The following HEMK1 variants were observed in gnomAD, a reference collection of about 807,000 sequenced individuals.
HEMK1 encodes HemK methyltransferase 1, mitochondrial release factors N(5)-glutamine, also known as MTRF1L release factor glutamine methyltransferase.
Under a neutral mutation model 47.9 loss-of-function variants are expected in HEMK1, and 36 were observed. The ratio of observed to expected loss-of-function variants is 0.75; its 90% CI spans 0.58 to 0.99. The LOEUF (loss-of-function observed/expected upper bound fraction) is 0.99. Ranked by LOEUF, HEMK1 falls within the 50% of genes least tolerant of loss-of-function variation. HEMK1 has a pLI of 0.00. For missense variants in HEMK1, 383 were observed against 434.5 expected, an observed-to-expected ratio of 0.88 and a Z score of 1.05; for synonymous variants, 153 against 165.4, an observed-to-expected ratio of 0.93 and a Z score of 0.57.
rs544857130 is a variant in HEMK1 at position 50,593,632 on chromosome 3, C to T, written c.*13215C>T. 2 of 152,318 alleles carry T rather than the reference C, an allele frequency of 1.3e-5. No homozygotes were observed. The highest frequency in any genetic ancestry group is 1.9e-4 in the East Asian group (1 of 5,192). The allele number at this position is 152,318 out of a possible 1,614,324, so 9.4% of individuals were successfully genotyped here. On this transcript the variant is annotated 3_prime_UTR_variant, in exon 11 of 11. Coordinates refer to ENST00000232854, the MANE Select transcript of HEMK1 (RefSeq NM_016173.5). ...TACAGGGGTTTATCTTATAACTGGA[C>T]ACCTTTTTGTTTTCTCTTACAAGAT...
At position 50,581,523 on chromosome 3, in the gene HEMK1, A is replaced by C. The variant is rs2107508985; in HGVS notation, c.*1106A>C. ...GCTGAGTTCCAGGGCTGTGTCCTGCAGTGGGACCTTGGGCAACTCCTTTCC... is the reference window on the plus strand; with the variant it reads ...GCTGAGTTCCAGGGCTGTGTCCTGCCGTGGGACCTTGGGCAACTCCTTTCC... On this transcript the variant is annotated 3_prime_UTR_variant, in exon 11 of 11. Coordinates refer to ENST00000232854, the MANE Select transcript of HEMK1 (RefSeq NM_016173.5). The C allele has an allele frequency of 6.6e-6, 1 of 152,456 alleles. No individual in the cohort carries two copies. The highest frequency in any genetic ancestry group is 2.1e-4 in the South Asian group (1 of 4,832). The allele number at this position is 152,456 out of a possible 1,614,324, so 9.4% of individuals were successfully genotyped here.
intron 7 of HEMK1, 151 bp downstream of exon 7, chr3:50,578,026 T>G: frequency 2.6e-6 from 2 of 766,404 alleles, no homozygotes; most frequent in Non-Finnish European, 4.6e-6. Flanking sequence ...GTGTGCACGT[T>G]TGTGGCAGCT....
At chr3:50,580,091 G>T in intron 9 of HEMK1, 25 bp from the exon 10 acceptor site, 1 of 1,598,720 alleles carries the variant, frequency 6.3e-7, no homozygotes, top group African/African-American at 1.3e-5. Flanking sequence ...GTCCTGCTGA[G>T]CCCACCCATT....
rs1321354885 is a variant in HEMK1, at chr3:50,581,435, TG to T, written c.*1020del. 1 of 152,290 alleles carries T rather than the reference TG, an allele frequency of 6.6e-6. No homozygotes were observed. The highest frequency in any genetic ancestry group is 1.5e-5 in the Non-Finnish European group (1 of 68,068). 9.4% of individuals were successfully genotyped at this position (152,290 alleles called of 1,614,324 possible). On this transcript the variant is annotated 3_prime_UTR_variant, in exon 11 of 11. Coordinates refer to ENST00000232854, the MANE Select transcript of HEMK1 (RefSeq NM_016173.5). Reference sequence around the variant, plus strand: ...TGCCACCCTGGCACTTCCCAGGGCCTGGCAGTATGGTCTGATGGGCAGTATG... The same window carrying T: ...TGCCACCCTGGCACTTCCCAGGGCCTGCAGTATGGTCTGATGGGCAGTATG...
In HEMK1 at chr3:50,580,207, G is replaced by A. The variant is rs1442264706; in HGVS notation, c.958G>A (p.Val320Met). 5 of 1,614,148 alleles carry A rather than the reference G, an allele frequency of 3.1e-6. No homozygotes were observed. The highest frequency in any genetic ancestry group is 1.6e-4 in the Middle Eastern group (1 of 6,062). The change falls in exon 10 of 11, where the codon GTG (valine) becomes ATG (methionine). Residue 320 changes from valine to methionine, a missense_variant. Coordinates refer to ENST00000232854, the MANE Select transcript of HEMK1 (RefSeq NM_016173.5). ...TGACCTGTACCTTAATCTTGTGGCTGTGCGCAGGGACTTCTGTGGGAGGTA... is the reference window on the plus strand; with the variant it reads ...TGACCTGTACCTTAATCTTGTGGCTATGCGCAGGGACTTCTGTGGGAGGTA... ...RPDLYLNLVAVRRDFCGRPRF... is the reference protein window; with the variant it reads ...RPDLYLNLVAMRRDFCGRPRF...
intron 3 of HEMK1, 29 bp downstream of exon 3, chr3:50,571,830 A>G (rs771812173): frequency 6.3e-7 from 1 of 1,590,010 alleles, no homozygotes; most frequent in South Asian, 1.1e-5. Context: ...GACCTGAAGG[A>G]TGTGTTCAGG....
chr3:50,579,916 A>G lies in HEMK1; in HGVS notation c.843A>G (p.Ala281=). The G allele has an allele frequency of 6.2e-7, 1 of 1,613,838 alleles. No individual in the cohort carries two copies. The highest frequency in any genetic ancestry group is 8.5e-7 in the Non-Finnish European group (1 of 1,179,892). ...TCATTACCCACATTCTGGCCTTGGCACCCCGGCTCCTGAAAGACTCTGGGT... is the reference window on the plus strand; with the variant it reads ...TCATTACCCACATTCTGGCCTTGGCGCCCCGGCTCCTGAAAGACTCTGGGT... ...MDIITHILAL[A]PRLLKDSGSI... The change falls in exon 9 of 11, where the codon GCA becomes GCG. Residue 281 remains alanine, a synonymous_variant. Coordinates refer to ENST00000232854, the MANE Select transcript of HEMK1 (RefSeq NM_016173.5).
At position 50,577,337 on chromosome 3, in the gene HEMK1, A is replaced by G. The variant is rs1701693139; in HGVS notation, c.549+151A>G. 6.9e-6 allele frequency: 8 copies of G among 1,151,354 alleles called. No homozygotes were observed. The South Asian group carries it at 8.1e-5, about 12-fold the overall frequency. 71.3% of individuals were successfully genotyped at this position (1,151,354 alleles called of 1,614,324 possible). A position where few individuals can be genotyped will look rare whatever the true frequency, so the allele number is the denominator to read the frequency against. On this transcript the variant is annotated intron_variant, in intron 5 of 10. Coordinates refer to ENST00000232854, the MANE Select transcript of HEMK1 (RefSeq NM_016173.5). ...CTGCCCCTAGCCCACTGTGGTTCAC[A>G]GACTCTAACGCCTACCACATCTATC...
At chr3:50,574,455 A>G (rs1330734076) in intron 4 of HEMK1, among the ~76,000 whole-genome samples, 1 of 152,156 alleles carries the variant, frequency 6.6e-6, no homozygotes, top group Admixed American at 6.5e-5. Context: ...TACCCTCCCC[A>G]AGGTGGCCAT....
At chr3:50,574,540 G>A (rs997263533) in intron 4 of HEMK1, among the ~76,000 whole-genome samples, 1 of 152,120 alleles carries the variant, frequency 6.6e-6, no homozygotes, top group Admixed American at 6.5e-5. Flanking sequence ...CTGGCTGAGG[G>A]GTCATTCTCC....
chr3:50,579,958 T>C lies in HEMK1; in HGVS notation c.866+19T>C, dbSNP rs745351996. On this transcript the variant is annotated intron_variant, in intron 9 of 10. Transcript: ENST00000232854. ...ACTCTGGGTATGAATGGGATGGGTC[T>C]CCTAGGTCTGTCCCCAGCAGGCTCC... 6 of 1,600,802 alleles carry C rather than the reference T, an allele frequency of 3.7e-6. No individual in the cohort carries two copies. Among genetic ancestry groups the C allele is most frequent in the Non-Finnish European group, 5.1e-6 (6 of 1,168,460 alleles).
rs1319983472 is a variant in HEMK1, at chr3:50,577,565, T to C, written c.606T>C (p.Asn202=). The change falls in exon 6 of 11, where the codon AAT becomes AAC. Residue 202 remains asparagine, a synonymous_variant. Coordinates refer to ENST00000232854, the MANE Select transcript of HEMK1 (RefSeq NM_016173.5). ...CTGCTATCTCTCTGACCCATGAGAATGCTCAGAGGTAGGTGGGGGAGTTGC... is the reference window on the plus strand; with the variant it reads ...CTGCTATCTCTCTGACCCATGAGAACGCTCAGAGGTAGGTGGGGGAGTTGC... ...REAAISLTHE[N]AQRLRLQDRI... The C allele has an allele frequency of 1.2e-6, 2 of 1,613,786 alleles. No individual in the cohort carries two copies. The highest frequency in any genetic ancestry group is 1.7e-6 in the Non-Finnish European group (2 of 1,179,822).
rs375769162 is a variant in HEMK1, at chr3:50,571,144, G to C, written c.40G>C (p.Gly14Arg). 179 of 1,611,966 alleles carry C rather than the reference G, an allele frequency of 1.1e-4. 3 individuals are homozygous for C. The highest frequency in any genetic ancestry group is 9.2e-5 in the Non-Finnish European group (108 of 1,179,092). Residue 14 changes from glycine to arginine, a missense_variant, in exon 2 of 11, where the codon GGC becomes CGC. Coordinates refer to ENST00000232854, the MANE Select transcript of HEMK1 (RefSeq NM_016173.5). ...CCGAATGCTGTGGGCCCTCCTGTCT[G>C]GCCCAGGGAGGAGGGGAAGTACCCG... ...WGRMLWALLS[G>R]PGRRGSTRGW...
chr3:50,573,302 G>A (rs1701223235), intron 4 of HEMK1, among the ~76,000 whole-genome samples: 1 of 152,240 alleles, frequency 6.6e-6, no homozygotes, highest in African/African-American at 2.4e-5. Flanking sequence ...GGATTGGCAT[G>A]ACCTAGGACA....
At chr3:50,573,886 C>T (rs953405235) in intron 4 of HEMK1, among the ~76,000 whole-genome samples, 66 of 152,222 alleles carry the variant, frequency 4.3e-4, no homozygotes, top group African/African-American at 1.5e-3. Flanking sequence ...CAGTAGGAAA[C>T]TCAGGGCTGG....
chr3:50,571,443 T>G, intron 2 of HEMK1, 111 bp downstream of exon 2: 1 of 825,996 alleles, frequency 1.2e-6, no homozygotes, highest in Non-Finnish European at 1.9e-6. Flanking sequence ...TGATGGGATT[T>G]TTCTGAAGGA....
Position 50,583,076 on chromosome 3 carries a change from C to T in HEMK1, c.*2659C>T, listed in dbSNP as rs2031003860. On this transcript the variant is annotated 3_prime_UTR_variant, in exon 11 of 11. Coordinates refer to ENST00000232854, the MANE Select transcript of HEMK1 (RefSeq NM_016173.5). ...GCCCCTGAGGTCTTGAGAGATGTGC[C>T]CACTGCCCGTGCAGCCTCCTTCAGC... The T allele has an allele frequency of 6.6e-6, 1 of 152,420 alleles. No homozygotes were observed. Among genetic ancestry groups the T allele is most frequent in the Non-Finnish European group, 1.5e-5 (1 of 68,204 alleles). The allele number at this position is 152,420 out of a possible 1,614,324, so 9.4% of individuals were successfully genotyped here. A position where few individuals can be genotyped will look rare whatever the true frequency, so the allele number is the denominator to read the frequency against.
Position 50,592,991 on chromosome 3 carries a change from G to A in HEMK1, c.*12574G>A, listed in dbSNP as rs566641110. On this transcript the variant is annotated 3_prime_UTR_variant, in exon 11 of 11. Transcript: ENST00000232854. ...GGTGGGGGCCAGACAAATTGTAGAG[G>A]AGCCTCAGGTCTTTGGGGTGTTGCC... 6.6e-6 allele frequency: 1 copy of A among 152,454 alleles called. No individual in the cohort carries two copies. Among genetic ancestry groups the A allele is most frequent in the Non-Finnish European group, 1.5e-5 (1 of 68,126 alleles). The allele number at this position is 152,454 out of a possible 1,614,324, so 9.4% of individuals were successfully genotyped here.
At position 50,570,920 on chromosome 3, in the gene HEMK1, C is replaced by G. The variant is rs1241826650; in HGVS notation, c.-174-11C>G. The G allele has an allele frequency of 4.1e-6, 2 of 490,834 alleles. No individual in the cohort carries two copies. The highest frequency in any genetic ancestry group is 7.2e-6 in the Non-Finnish European group (2 of 277,222). 30.4% of individuals were successfully genotyped at this position (490,834 alleles called of 1,614,324 possible). On this transcript the variant is annotated splice_polypyrimidine_tract_variant and intron_variant, in intron 1 of 10. Transcript: ENST00000232854. ...AGGCTCACCTGCTTTCCTGGTTCCT[C>G]TCACTCCCAGGGTGGCAACCAACTA...
Sources: allele counts gnomAD v4.1 joint callset (sites outside exome capture counted in the v4.1 genomes callset), GRCh38; gene constraint gnomAD v4.1.1; transcripts MANE v1.5; gene names NCBI Gene and HGNC (gene_info 2026-07-23, HGNC 2026-07-21).